OPHN1: variants seen among roughly 807,000 people sequenced by gnomAD.
OPHN1 encodes the protein oligophrenin 1, also known as oligophrenin-1.
In OPHN1, 11 loss-of-function variants were observed where a neutral mutation model predicts 60.7. The observed-to-expected ratio is 0.18, with a 90% CI of 0.11 to 0.30. The LOEUF (loss-of-function observed/expected upper bound fraction) is 0.30, where lower values mean the gene tolerates loss of function less well. Among genes scored for constraint, OPHN1 ranks in the 10% least tolerant of loss-of-function variants. The pLI is 1.00. For missense variants in OPHN1, 449 were observed against 611.0 expected (o/e 0.73, Z 2.80); for synonymous variants, 226 against 222.6 (o/e 1.02, Z -0.14).
At chrX:68,148,607 G>C (rs1260010700) in intron 15 of OPHN1, among the ~76,000 whole-genome samples, 1 of 110,830 alleles carries the variant, frequency 9.0e-6, no homozygotes, top group Non-Finnish European at 1.9e-5. Context: ...GAGGAAAAAG[G>C]GCAAGTTTAT....
intron 2 of OPHN1, among the ~76,000 whole-genome samples, chrX:68,408,590 A>G (rs775512083): frequency 3.5e-5 from 4 of 112,698 alleles, no homozygotes; most frequent in Non-Finnish European, 7.5e-5. Flanking sequence ...TGACCTTCAA[A>G]TGTCCAGTAG....
intron 19 of OPHN1, among the ~76,000 whole-genome samples, chrX:68,088,272 C>T (rs1474451089): frequency 2.7e-5 from 3 of 111,193 alleles, no homozygotes; most frequent in African/African-American, 6.5e-5. Flanking sequence ...TATATCTAAC[C>T]GGTCTGTAAT....
intron 15 of OPHN1, among the ~76,000 whole-genome samples, chrX:68,179,375 T>C (rs1270659450): frequency 5.3e-5 from 6 of 112,203 alleles, no homozygotes; most frequent in Non-Finnish European, 7.5e-5. Context: ...GGCAATAATG[T>C]ATATCTTTGT....
At chrX:68,218,698 G>A (rs1602244685) in intron 6 of OPHN1, among the ~76,000 whole-genome samples, 1 of 101,049 alleles carries the variant, frequency 9.9e-6, no homozygotes, top group African/African-American at 3.6e-5. Context: ...AAGTGAAGGA[G>A]AAATAAAATA....
intron 11 of OPHN1, among the ~76,000 whole-genome samples, chrX:68,197,806 A>C (rs1353794425): frequency 8.9e-6 from 1 of 111,933 alleles, no homozygotes; most frequent in Non-Finnish European, 1.9e-5. Flanking sequence ...TGACTAATAA[A>C]AACAACTAAT....
At chrX:68,261,814 C>A (rs1246906543) in intron 5 of OPHN1, among the ~76,000 whole-genome samples, 1 of 111,604 alleles carries the variant, frequency 9.0e-6, no homozygotes, top group Non-Finnish European at 1.9e-5. Context: ...AACTTGGGTT[C>A]AAATCCTGGA....
chrX:68,333,468 T>A (rs1174458630), intron 2 of OPHN1, among the ~76,000 whole-genome samples: 4 of 109,899 alleles, frequency 3.6e-5, no homozygotes, highest in African/African-American at 1.3e-4. Context: ...AAAACCCGTC[T>A]CTACTAAAAA....
Position 68,403,726 on chromosome X carries a change from C to T in OPHN1, c.154+29141G>A, listed in dbSNP as rs567552490. Among the ~76,000 whole-genome samples, 34 of 110,072 alleles carry T rather than the reference C, an allele frequency of 3.1e-4. No homozygotes were observed. The South Asian group carries it at 9.9e-3, about 32-fold the overall frequency. ...TGCTTCCTCAAATGTGCCTTGTGTA[C>T]GATCCTAGGCTCAAGAGAACAAGGC... is the stretch of plus-strand genomic sequence containing the variant. On this transcript the variant is annotated intron_variant, in intron 2 of 24. Coordinates refer to ENST00000355520, the MANE Select transcript of OPHN1 (RefSeq NM_002547.3).
chrX:68,133,903 T>C (rs1340938318), intron 15 of OPHN1, among the ~76,000 whole-genome samples: 1 of 111,510 alleles, frequency 9.0e-6, no homozygotes, highest in Non-Finnish European at 1.9e-5. Context: ...GGCCGGGCGC[T>C]GTGGCTCACG....
intron 2 of OPHN1, among the ~76,000 whole-genome samples, chrX:68,319,556 T>C (rs1275419455): frequency 1.8e-5 from 2 of 109,808 alleles, no homozygotes; most frequent in Non-Finnish European, 1.9e-5. Context: ...GACAACACAG[T>C]AAGGCCCCAT....
At chrX:68,393,277 A>C (rs1021039800) in intron 2 of OPHN1, among the ~76,000 whole-genome samples, 8 of 111,840 alleles carry the variant, frequency 7.2e-5, no homozygotes, top group Admixed American at 9.5e-5. Context: ...AACAAAACAA[A>C]CAAAAAAACA....
intron 21 of OPHN1, among the ~76,000 whole-genome samples, chrX:68,055,198 G>A (rs2076867872): frequency 8.9e-6 from 1 of 111,816 alleles, no homozygotes. Context: ...ACAGAGTCTG[G>A]AGTTTTGTAG....
Position 68,269,270 on chromosome X carries a change from A to T in OPHN1, c.384+5468T>A, listed in dbSNP as rs769790637. Among the ~76,000 whole-genome samples the T allele has an allele frequency of 9.5e-3, 1,062 of 111,466 alleles. 16 individuals are homozygous for T. The highest frequency in any genetic ancestry group is 0.033 in the African/African-American group (1,024 of 30,609). ...TTCATATGGAACCAAAAAAGAGCCC[A>T]CATCGCCAAGTCAATCCTAAGCCAA... On this transcript the variant is annotated intron_variant, in intron 5 of 24. Coordinates refer to ENST00000355520, the MANE Select transcript of OPHN1 (RefSeq NM_002547.3).
At position 68,348,544 on chromosome X, in the gene OPHN1, A is replaced by C. The variant is rs182262624; in HGVS notation, c.155-49448T>G. Among the ~76,000 whole-genome samples, 204 of 111,478 alleles carry C rather than the reference A, an allele frequency of 1.8e-3. 1 individual carries two copies. Among genetic ancestry groups the C allele is most frequent in the African/African-American group, 6.4e-3 (197 of 30,687 alleles). On this transcript the variant is annotated intron_variant, in intron 2 of 24. Transcript: ENST00000355520. Reference sequence around the variant, plus strand: ...AAAAGACTAGAATATGTCAAAAAAAAAAAGTGGTTGTTACTGCGGCTGTGC... The same window carrying C: ...AAAAGACTAGAATATGTCAAAAAAACAAAGTGGTTGTTACTGCGGCTGTGC...
intron 3 of OPHN1, among the ~76,000 whole-genome samples, chrX:68,290,550 G>A (rs2078065940): frequency 9.2e-6 from 1 of 109,125 alleles, no homozygotes; most frequent in Non-Finnish European, 1.9e-5. Context: ...AGTGAACTGA[G>A]ATCGTGCCTC....
chrX:68,406,549 T>C (rs2078744468), intron 2 of OPHN1, among the ~76,000 whole-genome samples: 1 of 108,999 alleles, frequency 9.2e-6, no homozygotes, highest in Admixed American at 9.9e-5. Context: ...GAGGTGGAGG[T>C]TGCAGTGAGC....
chrX:68,327,797 T>TAAAAAAAA (rs35324033), intron 2 of OPHN1, among the ~76,000 whole-genome samples: 4 of 67,333 alleles, frequency 5.9e-5, no homozygotes, highest in South Asian at 6.7e-4. Flanking sequence ...ATAAAAAAAA[T>TAAAAAAAA]AAAAAAAAAA....
chrX:68,296,298 T>C (rs937415462), intron 3 of OPHN1, among the ~76,000 whole-genome samples: 3 of 111,803 alleles, frequency 2.7e-5, no homozygotes, highest in Non-Finnish European at 5.6e-5. Flanking sequence ...AAATGATAAG[T>C]AGGAGCTTCT....
intron 19 of OPHN1, among the ~76,000 whole-genome samples, chrX:68,080,393 T>G (rs1227154974): frequency 8.9e-6 from 1 of 112,309 alleles, no homozygotes; most frequent in Non-Finnish European, 1.9e-5. Context: ...ACTCTTACCC[T>G]TTATGGAAGA....
Sources: gnomAD v4.1 joint callset for allele counts (sites outside exome capture counted in the v4.1 genomes callset) on GRCh38, gnomAD v4.1.1 for gene constraint, MANE v1.5 for transcripts, NCBI Gene and HGNC (gene_info 2026-07-23, HGNC 2026-07-21) for gene names.